SHOC2: variants seen among roughly 807,000 people sequenced by gnomAD.
SHOC2 encodes leucine-rich repeat protein SHOC-2.
Under a neutral mutation model 50.2 loss-of-function variants are expected in SHOC2, and 4 were observed. That is an observed-to-expected ratio of 0.08 (90% CI 0.04 to 0.18). The LOEUF (loss-of-function observed/expected upper bound fraction) is 0.18, where lower values mean the gene tolerates loss of function less well. Ranked by LOEUF, SHOC2 falls within the 10% of genes least tolerant of loss-of-function variation. SHOC2 has a pLI of 1.00. For synonymous variants in SHOC2, 218 were observed against 244.5 expected (o/e 0.89, Z 1.01); for missense variants, 388 against 669.6 (o/e 0.58, Z 4.64).
rs1229390404 is a variant in SHOC2, at chr10:110,991,405, A to G, written c.841+5640A>G. ...ATATGCCTCACCTCTAGCTTATTCT[A>G]TAGGGCCAGATTACAGTATTACAAA... On this transcript the variant is annotated intron_variant, in intron 3 of 8. Transcript: ENST00000369452. Among the ~76,000 whole-genome samples the G allele has an allele frequency of 4.6e-5, 7 of 152,304 alleles. No individual in the cohort carries two copies. In the East Asian group the frequency reaches 1.3e-3, roughly 29 times the overall value.
intron 2 of SHOC2, among the ~76,000 whole-genome samples, chr10:110,982,004 C>A (rs7093221): frequency 8.7e-5 from 9 of 103,690 alleles, no homozygotes; most frequent in Non-Finnish European, 1.5e-4. Flanking sequence ...ATCCCTCCCC[C>A]CTCCCCCCAC....
chr10:110,999,535 A>G (rs377670841), intron 3 of SHOC2, among the ~76,000 whole-genome samples: 1 of 152,086 alleles, frequency 6.6e-6, no homozygotes, highest in African/African-American at 2.4e-5. Context: ...TCAGGAGTTC[A>G]AGACCAGCCT....
chr10:110,948,826 A>G (rs1437549924), intron 1 of SHOC2, among the ~76,000 whole-genome samples: 2 of 152,232 alleles, frequency 1.3e-5, no homozygotes, highest in African/African-American at 4.8e-5. Flanking sequence ...AAAGGACTAG[A>G]AAAAGCTTGT....
rs1381472170 is a variant in SHOC2 at position 110,999,754 on chromosome 10, A to AAG, written c.842-660_842-659insGA. 5.3e-5 allele frequency among the ~76,000 whole-genome samples: 8 copies of AAG among 149,662 alleles called. No individual in the cohort carries two copies. In the East Asian group the frequency reaches 1.6e-3, roughly 30 times the overall value. ...TCAGTCTCAAAAAAAAAAAAAAAAA[A>AAG]AAAAAGAAAGAAAAGAAAAGAAAGT... On this transcript the variant is annotated intron_variant, in intron 3 of 8. Coordinates refer to ENST00000369452, the MANE Select transcript of SHOC2 (RefSeq NM_007373.4).
intron 1 of SHOC2, among the ~76,000 whole-genome samples, chr10:110,921,641 G>A (rs1181474707): frequency 2.6e-5 from 4 of 151,990 alleles, no homozygotes; most frequent in African/African-American, 7.2e-5. Flanking sequence ...AGTAAATGAG[G>A]TATCCCATCA....
intron 1 of SHOC2, among the ~76,000 whole-genome samples, chr10:110,955,988 T>C (rs1004549620): frequency 2.6e-5 from 4 of 152,172 alleles, no homozygotes; most frequent in African/African-American, 9.7e-5. Flanking sequence ...TTGTAAGTGA[T>C]GGAAACTTAT....
At chr10:110,939,451 C>T (rs980367030) in intron 1 of SHOC2, among the ~76,000 whole-genome samples, 3 of 152,116 alleles carry the variant, frequency 2.0e-5, no homozygotes, top group African/African-American at 7.2e-5. Context: ...AACTTCTGGC[C>T]TCAACCAATC....
chr10:110,983,840 T>C (rs1848029440), intron 2 of SHOC2, among the ~76,000 whole-genome samples: 1 of 152,230 alleles, frequency 6.6e-6, no homozygotes, highest in African/African-American at 2.4e-5. Flanking sequence ...GTTTAGCACC[T>C]ATCAGAAATG....
intron 1 of SHOC2, among the ~76,000 whole-genome samples, chr10:110,954,247 T>C (rs931986268): frequency 7.9e-5 from 12 of 152,084 alleles, no homozygotes; most frequent in African/African-American, 2.9e-4. Flanking sequence ...GAAATTGAAA[T>C]ATTTGAATTA....
At chr10:110,995,500 G>A (rs764583791) in intron 3 of SHOC2, among the ~76,000 whole-genome samples, 1 of 152,188 alleles carries the variant, frequency 6.6e-6, no homozygotes, top group Non-Finnish European at 1.5e-5. Context: ...ATGGTTCTGT[G>A]ACAAGGAAAC....
At chr10:110,965,601 A>AT (rs1847658783) in intron 2 of SHOC2, among the ~76,000 whole-genome samples, 2 of 152,164 alleles carry the variant, frequency 1.3e-5, no homozygotes, top group Non-Finnish European at 2.9e-5. Context: ...ATGTTTATTA[A>AT]AAATAACACA....
chr10:111,000,394 T>C, intron 3 of SHOC2, 21 bp from the exon 4 acceptor site: 1 of 1,612,446 alleles, frequency 6.2e-7, no homozygotes, highest in South Asian at 1.1e-5. Context: ...AATAAATTTC[T>C]TTTTTTGTGT....
rs1464266150 is a variant in SHOC2 at position 111,012,856 on chromosome 10, T to C, written c.*1038T>C. The C allele has an allele frequency of 6.6e-6, 1 of 152,654 alleles. No individual in the cohort carries two copies. Among genetic ancestry groups the C allele is most frequent in the East Asian group, 1.9e-4 (1 of 5,206 alleles). The allele number at this position is 152,654 out of a possible 1,614,324, so 9.5% of individuals were successfully genotyped here. On this transcript the variant is annotated 3_prime_UTR_variant, in exon 9 of 9. Coordinates refer to ENST00000369452, the MANE Select transcript of SHOC2 (RefSeq NM_007373.4). Reference sequence around the variant, plus strand: ...TATGTTTCAAGGTTATTTAACAGTGTACTATGGTTTTATATCTTGACTTGC... The same window carrying C: ...TATGTTTCAAGGTTATTTAACAGTGCACTATGGTTTTATATCTTGACTTGC...
intron 1 of SHOC2, among the ~76,000 whole-genome samples, chr10:110,926,007 A>G (rs370988824): frequency 6.6e-6 from 1 of 152,226 alleles, no homozygotes; most frequent in East Asian, 1.9e-4. Context: ...AACTAAAACT[A>G]TCTGGTGTCA....
At chr10:110,921,450 C>T (rs1437384246) in intron 1 of SHOC2, among the ~76,000 whole-genome samples, 1 of 152,124 alleles carries the variant, frequency 6.6e-6, no homozygotes, top group African/African-American at 2.4e-5. Flanking sequence ...ATAAAGCCAA[C>T]ATATAAAACA....
At chr10:110,977,770 A>C (rs1455812729) in intron 2 of SHOC2, among the ~76,000 whole-genome samples, 1 of 152,148 alleles carries the variant, frequency 6.6e-6, no homozygotes, top group African/African-American at 2.4e-5. Context: ...TAAGGTAATA[A>C]ATTTTGATGA....
intron 1 of SHOC2, among the ~76,000 whole-genome samples, chr10:110,953,855 G>A (rs1847406183): frequency 6.6e-6 from 1 of 151,162 alleles, no homozygotes; most frequent in Non-Finnish European, 1.5e-5. Context: ...TGGATATCTG[G>A]TGATACCTCT....
chr10:110,925,522 A>T (rs757567076), intron 1 of SHOC2, among the ~76,000 whole-genome samples: 22 of 152,192 alleles, frequency 1.4e-4, no homozygotes, highest in Non-Finnish European at 2.6e-4. Context: ...TGGCACAATC[A>T]TGGGGCTCAT....
At chr10:110,937,783 G>A (rs1004462276) in intron 1 of SHOC2, among the ~76,000 whole-genome samples, 3 of 152,258 alleles carry the variant, frequency 2.0e-5, no homozygotes, top group Non-Finnish European at 2.9e-5. Context: ...TTTAACATAT[G>A]AGTTTGATTA....
Sources: gnomAD v4.1 joint callset for allele counts (sites outside exome capture counted in the v4.1 genomes callset) on GRCh38, gnomAD v4.1.1 for gene constraint, MANE v1.5 for transcripts, NCBI Gene and HGNC (gene_info 2026-07-23, HGNC 2026-07-21) for gene names.